P2RY8: variants seen among roughly 807,000 people sequenced by gnomAD.
P2RY8 encodes S-geranylgeranyl-glutathione receptor P2RY8.
A neutral mutation model predicts 10.0 loss-of-function variants in P2RY8; 6 were observed. That is an observed-to-expected ratio of 0.60 (90% CI 0.33 to 1.19). The LOEUF (loss-of-function observed/expected upper bound fraction) is 1.19. Among genes scored for constraint, P2RY8 ranks in the 50% most tolerant of loss-of-function variants. The probability of loss-of-function intolerance (pLI) is 0.04; values close to 1 mark genes in which losing one functional copy is unlikely to be tolerated. For synonymous variants in P2RY8, 276 were observed against 252.5 expected, an observed-to-expected ratio of 1.09 and a Z score of -0.88; for missense variants, 456 against 542.0, an observed-to-expected ratio of 0.84 and a Z score of 1.58.
chrX:1,505,137 C>A (rs865830322), intron 1 of P2RY8, among the ~76,000 whole-genome samples: 334 of 99,592 alleles, frequency 3.4e-3, no homozygotes, highest in Middle Eastern at 0.011. Flanking sequence ...GACTCTGTCT[C>A]AAAAAAAAAA....
chrX:1,529,064 G>T (rs111572591), intron 1 of P2RY8, among the ~76,000 whole-genome samples: 4 of 152,088 alleles, frequency 2.6e-5, no homozygotes, highest in Non-Finnish European at 5.9e-5. Context: ...TTTAGTCCTC[G>T]GGCAGATAAG....
At chrX:1,527,317 T>TATCC (rs1185782663) in intron 1 of P2RY8, among the ~76,000 whole-genome samples, 6 of 152,046 alleles carry the variant, frequency 3.9e-5, no homozygotes, top group South Asian at 4.2e-4. Context: ...TCCACTCATC[T>TATCC]ATCCATCCAT....
At chrX:1,481,194 A>G (rs1398897063) in intron 1 of P2RY8, among the ~76,000 whole-genome samples, 8 of 150,744 alleles carry the variant, frequency 5.3e-5, no homozygotes, top group Admixed American at 1.3e-4. Flanking sequence ...CTTGAGGCTG[A>G]GTCTTGCTCT....
chrX:1,487,072 C>T (rs748656700), intron 1 of P2RY8, among the ~76,000 whole-genome samples: 2 of 152,224 alleles, frequency 1.3e-5, no homozygotes, highest in African/African-American at 2.4e-5. Flanking sequence ...GCTGCGCAAG[C>T]CTTCCCTGTC....
intron 1 of P2RY8, among the ~76,000 whole-genome samples, chrX:1,528,497 T>C (rs559161072): frequency 8.4e-4 from 128 of 152,346 alleles, no homozygotes; most frequent in Non-Finnish European, 1.4e-3. Flanking sequence ...TCATACGACA[T>C]CTTCAAAACC....
intron 1 of P2RY8, among the ~76,000 whole-genome samples, chrX:1,527,689 T>C (rs1172785986): frequency 1.3e-5 from 2 of 151,648 alleles, no homozygotes; most frequent in African/African-American, 4.9e-5. Context: ...CATTCATTCC[T>C]TATCCATTTA....
intron 1 of P2RY8, among the ~76,000 whole-genome samples, chrX:1,494,535 A>T (rs1247038754): frequency 8.6e-5 from 12 of 138,810 alleles, no homozygotes; most frequent in Non-Finnish European, 1.3e-4. Context: ...ATTAGGCTTT[A>T]AAAAAAAAAA....
In P2RY8 at chrX:1,462,600, T is replaced by G. The variant is rs1472198535; in HGVS notation, c.*2879A>C. On this transcript the variant is annotated 3_prime_UTR_variant, in exon 2 of 2. Coordinates refer to ENST00000381297, the MANE Select transcript of P2RY8 (RefSeq NM_178129.5). ...GCCCTGTGCACTTCAAAGCTCATGTTTTTTTTTAATGTTTTATTTTTATTT... is the reference window on the plus strand; with the variant it reads ...GCCCTGTGCACTTCAAAGCTCATGTGTTTTTTTAATGTTTTATTTTTATTT... 1 of 95,722 alleles carries G rather than the reference T, an allele frequency of 1.0e-5. No homozygotes were observed. Among genetic ancestry groups the G allele is most frequent in the East Asian group, 8.8e-5 (1 of 11,308 alleles). 5.9% of individuals were successfully genotyped at this position (95,722 alleles called of 1,614,324 possible). A position where few individuals can be genotyped will look rare whatever the true frequency, so the allele number is the denominator to read the frequency against.
chrX:1,513,025 C>T (rs2092310795), intron 1 of P2RY8, among the ~76,000 whole-genome samples: 1 of 150,438 alleles, frequency 6.6e-6, no homozygotes, highest in South Asian at 2.1e-4. Flanking sequence ...CCCCTTGCCC[C>T]CCCACCCCCC....
At chrX:1,518,120 A>AAAAAAT (rs1346051729) in intron 1 of P2RY8, among the ~76,000 whole-genome samples, 1 of 2,124 alleles carries the variant, frequency 4.7e-4, no homozygotes, top group Admixed American at 0.015. Context: ...AAAAAAAAAT[A>AAAAAAT]AAAAAATAAA....
rs184261708 is a variant in P2RY8, at chrX:1,523,544, T to C, written c.-25+13377A>G. Among the ~76,000 whole-genome samples, 316 of 152,206 alleles carry C rather than the reference T, an allele frequency of 2.1e-3. 3 individuals carry two copies. Among genetic ancestry groups the C allele is most frequent in the African/African-American group, 7.1e-3 (293 of 41,512 alleles). ...CCAGAGGGAGGAGGGAAGGGAGAAG[T>C]GGGAGCGATTGCAAATAGGTACAGG... On this transcript the variant is annotated intron_variant, in intron 1 of 1. Coordinates refer to ENST00000381297, the MANE Select transcript of P2RY8 (RefSeq NM_178129.5).
intron 1 of P2RY8, among the ~76,000 whole-genome samples, chrX:1,484,201 C>T (rs5989655): frequency 0.017 from 2,563 of 152,204 alleles, 58 homozygotes; most frequent in African/African-American, 0.055. Flanking sequence ...CCCCCAATGA[C>T]GGGAACCCTC....
rs1261509533 is a variant in P2RY8 at position 1,469,505 on chromosome X, A to AATG, written c.-24-2924_-24-2923insCAT. ...TTTCTTATGCTTTGCAGGTAAATGC[A>AATG]CACCTGTCTGGCAGCAATGCATCCA... On this transcript the variant is annotated intron_variant, in intron 1 of 1. Transcript: ENST00000381297. Among the ~76,000 whole-genome samples, 3 of 151,996 alleles carry AATG rather than the reference A, an allele frequency of 2.0e-5. No individual in the cohort carries two copies. The East Asian group carries it at 5.8e-4, about 29-fold the overall frequency.
intron 1 of P2RY8, among the ~76,000 whole-genome samples, chrX:1,476,148 C>A (rs1287277472): frequency 6.6e-6 from 1 of 152,158 alleles, no homozygotes; most frequent in Admixed American, 6.5e-5. Context: ...TGCTGACCTA[C>A]AAGGGTCACA....
At chrX:1,514,325 CATTTCT>C (rs2092321955) in intron 1 of P2RY8, among the ~76,000 whole-genome samples, 1 of 138,172 alleles carries the variant, frequency 7.2e-6, no homozygotes, top group South Asian at 2.3e-4. Flanking sequence ...CTTTCCTTTC[CATTTCT>C]TTCCTTTCCT....
chrX:1,484,739 AAAAAAAAAAGAAGAAG>A (rs1342203114), intron 1 of P2RY8, among the ~76,000 whole-genome samples: 13 of 139,550 alleles, frequency 9.3e-5, no homozygotes, highest in South Asian at 5.0e-4. Context: ...AAAAAAAAAA[AAAAAAAAAAGAAGAAG>A]AAGAAGAAGA....
rs1325445335 is a variant in P2RY8, at chrX:1,465,126, C to A, written c.*353G>T. The A allele has an allele frequency of 1.1e-5, 4 of 377,004 alleles. No individual in the cohort carries two copies. The highest frequency in any genetic ancestry group is 8.1e-5 in the African/African-American group (4 of 49,290). The allele number at this position is 377,004 out of a possible 1,614,324, so 23.4% of individuals were successfully genotyped here. ...AGGTGTGAGGAGTGTCTAAGGAGCT[C>A]GGGGGTGACAGCCCAGCTCTACTAA... On this transcript the variant is annotated 3_prime_UTR_variant, in exon 2 of 2. Transcript: ENST00000381297.
intron 1 of P2RY8, among the ~76,000 whole-genome samples, chrX:1,529,731 G>A (rs1317209971): frequency 1.3e-5 from 2 of 151,660 alleles, no homozygotes; most frequent in Non-Finnish European, 2.9e-5. Flanking sequence ...TAGCTCTCTG[G>A]CACCTATATC....
chrX:1,497,607 G>A (rs756867955), intron 1 of P2RY8, among the ~76,000 whole-genome samples: 8 of 151,864 alleles, frequency 5.3e-5, no homozygotes, highest in South Asian at 2.1e-4. Flanking sequence ...GCGGTGAGCC[G>A]AGACCGTGCC....
Sources: gnomAD v4.1 joint callset for allele counts (sites outside exome capture counted in the v4.1 genomes callset) on GRCh38, gnomAD v4.1.1 for gene constraint, MANE v1.5 for transcripts, NCBI Gene and HGNC (gene_info 2026-07-23, HGNC 2026-07-21) for gene names.